SP140L: variants seen among roughly 807,000 people sequenced by gnomAD.
The protein encoded by SP140L is SP140 like nuclear body protein, also known as nuclear body protein SP140-like protein.
SP140L carries 64 observed loss-of-function variants against 84.3 expected under a neutral mutation model. The observed-to-expected ratio is 0.76, with a 90% CI of 0.62 to 0.94. The LOEUF is 0.94. Ranked by LOEUF, SP140L falls within the 40% of genes least tolerant of loss-of-function variation. The pLI is 0.00. For missense variants in SP140L, 628 were observed against 692.5 expected, an observed-to-expected ratio of 0.91 and a Z score of 1.05; for synonymous variants, 242 against 236.9, an observed-to-expected ratio of 1.02 and a Z score of -0.20.
At chr2:230,402,585 A>G (rs1363194276) in intron 18 of SP140L, among the ~76,000 whole-genome samples, 1 of 152,238 alleles carries the variant, frequency 6.6e-6, no homozygotes, top group Non-Finnish European at 1.5e-5. Flanking sequence ...GCTCTTTGAG[A>G]TGATGAATAT....
chr2:230,370,863 C>T, intron 5 of SP140L, 45 bp from the exon 6 acceptor site: 1 of 1,593,278 alleles, frequency 6.3e-7, no homozygotes, highest in Non-Finnish European at 8.6e-7. Flanking sequence ...GCAGAGCGAC[C>T]AGCATGTGAA....
At chr2:230,351,983 C>T (rs1341592910) in intron 2 of SP140L, among the ~76,000 whole-genome samples, 1 of 152,182 alleles carries the variant, frequency 6.6e-6, no homozygotes, top group African/African-American at 2.4e-5. Flanking sequence ...GTTGCAAGCA[C>T]ACCATACTTA....
At chr2:230,394,518 G>A (rs181792863) in intron 13 of SP140L, among the ~76,000 whole-genome samples, 20 of 152,234 alleles carry the variant, frequency 1.3e-4, no homozygotes, top group East Asian at 9.6e-4. Flanking sequence ...TGGGTTTCCC[G>A]AAGGGAAACT....
At chr2:230,355,293 C>T (rs1003976811) in intron 2 of SP140L, among the ~76,000 whole-genome samples, 1 of 152,154 alleles carries the variant, frequency 6.6e-6, no homozygotes, top group Non-Finnish European at 1.5e-5. Flanking sequence ...TCAAACCAAT[C>T]ATATCTCCTA....
intron 11 of SP140L, among the ~76,000 whole-genome samples, chr2:230,391,252 G>A (rs1183625775): frequency 1.3e-5 from 2 of 152,192 alleles, no homozygotes; most frequent in Non-Finnish European, 2.9e-5. Context: ...GAATTGCTGA[G>A]TCAAATGGTA....
chr2:230,354,945 A>G (rs1433062096), intron 2 of SP140L, among the ~76,000 whole-genome samples: 1 of 149,858 alleles, frequency 6.7e-6, no homozygotes, highest in Non-Finnish European at 1.5e-5. Flanking sequence ...AAAGAAAAAG[A>G]AAGAAAGAGA....
chr2:230,353,952 C>T (rs1013913910), intron 2 of SP140L, among the ~76,000 whole-genome samples: 23 of 152,078 alleles, frequency 1.5e-4, no homozygotes, highest in Admixed American at 5.2e-4. Context: ...ACAGTTGAAT[C>T]TGAAACCATA....
At chr2:230,370,786 C>G in intron 5 of SP140L, 122 bp from the exon 6 acceptor site, 4 of 823,864 alleles carry the variant, frequency 4.9e-6, no homozygotes, top group Non-Finnish European at 6.0e-6. Context: ...AGGGCAGCAA[C>G]CAGGGTGCAG....
intron 7 of SP140L, among the ~76,000 whole-genome samples, chr2:230,381,010 T>C (rs980554798): frequency 6.6e-6 from 1 of 152,004 alleles, no homozygotes; most frequent in African/African-American, 2.4e-5. Flanking sequence ...GGATATAGAG[T>C]AGACGCATCA....
chr2:230,365,586 T>A (rs1372175680), intron 5 of SP140L, among the ~76,000 whole-genome samples: 1 of 152,060 alleles, frequency 6.6e-6, no homozygotes, highest in African/African-American at 2.4e-5. Flanking sequence ...AAACCAACTC[T>A]GTTTAGTTTA....
intron 16 of SP140L, 103 bp downstream of exon 16, chr2:230,401,166 C>A: frequency 3.1e-6 from 2 of 644,472 alleles, no homozygotes; most frequent in East Asian, 5.5e-5. Context: ...CCTGCTCTTC[C>A]GCGCCACACT....
chr2:230,385,585 T>C (rs2061549197), intron 9 of SP140L, among the ~76,000 whole-genome samples: 1 of 152,230 alleles, frequency 6.6e-6, no homozygotes. Context: ...TTAAAATGGC[T>C]GGACCTGGTA....
At chr2:230,395,757 T>C (rs1407006044) in intron 13 of SP140L, among the ~76,000 whole-genome samples, 1 of 152,170 alleles carries the variant, frequency 6.6e-6, no homozygotes, top group Admixed American at 6.5e-5. Flanking sequence ...AGACAAAAGC[T>C]GAGGCTGCCT....
chr2:230,332,792 T>C (rs745412601), intron 2 of SP140L, among the ~76,000 whole-genome samples: 2 of 152,242 alleles, frequency 1.3e-5, no homozygotes, highest in Admixed American at 6.5e-5. Context: ...AATTCCGTTT[T>C]ATTTTCTTGG....
intron 7 of SP140L, among the ~76,000 whole-genome samples, chr2:230,380,861 G>A (rs1352272328): frequency 6.6e-6 from 1 of 152,054 alleles, no homozygotes; most frequent in East Asian, 1.9e-4. Context: ...ACTGAATTTT[G>A]TTTATAATTC....
chr2:230,371,921 T>C (rs2061087766), intron 7 of SP140L: 3 of 397,440 alleles, frequency 7.5e-6, no homozygotes, highest in Non-Finnish European at 1.4e-5. Flanking sequence ...CAATCTAATC[T>C]TGTAGGCTTT....
At chr2:230,354,560 GAGTTC>G (rs557669953) in intron 2 of SP140L, among the ~76,000 whole-genome samples, 10 of 152,150 alleles carry the variant, frequency 6.6e-5, no homozygotes, top group South Asian at 6.2e-4. Flanking sequence ...TTGAAGCCAG[GAGTTC>G]AAGACCAGCA....
chr2:230,334,032 G>T (rs780425793), intron 2 of SP140L, among the ~76,000 whole-genome samples: 8 of 152,038 alleles, frequency 5.3e-5, no homozygotes, highest in Non-Finnish European at 8.8e-5. Context: ...TCCAATATTT[G>T]CTTGTTCTGA....
At chr2:230,361,200 C>T (rs906395522) in intron 4 of SP140L, among the ~76,000 whole-genome samples, 4 of 152,130 alleles carry the variant, frequency 2.6e-5, no homozygotes, top group African/African-American at 4.8e-5. Flanking sequence ...GATGCTCCTG[C>T]GTCACCATCC....
Sources: allele counts gnomAD v4.1 joint callset (sites outside exome capture counted in the v4.1 genomes callset), GRCh38; gene constraint gnomAD v4.1.1; transcripts MANE v1.5; gene names NCBI Gene and HGNC (gene_info 2026-07-23, HGNC 2026-07-21).